The following DHX29 variants were observed in gnomAD, a reference collection of about 807,000 sequenced individuals.
DHX29 encodes the protein ATP-dependent RNA helicase DHX29.
DHX29 carries 79 observed loss-of-function variants against 167.9 expected under a neutral mutation model. The ratio of observed to expected loss-of-function variants is 0.47; its 90% confidence interval spans 0.39 to 0.57. The LOEUF is 0.57. Among genes scored for constraint, DHX29 ranks in the 20% least tolerant of loss-of-function variants. The pLI, the probability that DHX29 is intolerant of heterozygous loss-of-function variation, is 0.00. For missense variants in DHX29, 1,347 were observed against 1,593.4 expected (o/e 0.85, Z 2.63); for synonymous variants, 530 against 546.0 (o/e 0.97, Z 0.41).
At chr5:55,272,859 T>C (rs1024659780) in intron 17 of DHX29, among the ~76,000 whole-genome samples, 1 of 152,204 alleles carries the variant, frequency 6.6e-6, no homozygotes, top group Non-Finnish European at 1.5e-5. Flanking sequence ...ACTAGGTTGT[T>C]GTCCTGGCTC....
intron 26 of DHX29, among the ~76,000 whole-genome samples, chr5:55,257,732 C>T (rs945622944): frequency 1.2e-4 from 19 of 152,208 alleles, no homozygotes; most frequent in African/African-American, 4.6e-4. Flanking sequence ...CTTCTTCCTT[C>T]CTCCCAAGTC....
Position 55,281,785 on chromosome 5 carries a change from C to CTTT in DHX29, c.1966-273_1966-271dup, listed in dbSNP as rs200474683. Among the ~76,000 whole-genome samples the CTTT allele has an allele frequency of 2.0e-3, 279 of 139,134 alleles. 1 individual carries two copies. The highest frequency in any genetic ancestry group is 0.019 in the Middle Eastern group (5 of 262). The allele number at this position is 139,134 out of a possible 152,430, so 91.3% of individuals were successfully genotyped here. ...ATTTTGGCAAATTTGAACAGAAAAA[C>CTTT]TTTTTTTTTTTTTTTTTGAGACGGA... On this transcript the variant is annotated intron_variant, in intron 11 of 26. Coordinates refer to ENST00000251636, the MANE Select transcript of DHX29 (RefSeq NM_019030.4).
intron 1 of DHX29, among the ~76,000 whole-genome samples, chr5:55,304,413 G>A (rs1043711163): frequency 6.8e-6 from 1 of 148,060 alleles, no homozygotes; most frequent in Non-Finnish European, 1.5e-5. Flanking sequence ...CCGGGTTCAC[G>A]CCATTCTCCT....
rs771882728 is a variant in DHX29 at position 55,261,463 on chromosome 5, G to C, written c.3865C>G (p.Leu1289Val). The change falls in exon 25 of 27, where the codon CTA becomes GTA. Residue 1289 changes from leucine (L) to valine (V), a missense_variant. Leu to Val is a conservative substitution (Grantham distance 32). Around this residue, in one of 3 missense-constraint regions of DHX29, gnomAD observed 882 missense variants for 1,082.4 expected, o/e 0.81. Transcript: ENST00000251636. Reference sequence around the variant, plus strand: ...AGTAAAACTGGAAAAGGGGTTATTAGGGTAGTTTCTCTCAAATACACTCTG... The same window carrying C: ...AGTAAAACTGGAAAAGGGGTTATTACGGTAGTTTCTCTCAAATACACTCTG... ...YARVYLRETT[L>V]ITPFPVLLFG... 8 of 1,574,444 alleles carry C rather than the reference G, an allele frequency of 5.1e-6. No homozygotes were observed. Among genetic ancestry groups the C allele is most frequent in the Non-Finnish European group, 7.0e-6 (8 of 1,144,762 alleles).
chr5:55,275,243 C>T (rs965092539), intron 14 of DHX29, among the ~76,000 whole-genome samples: 16 of 152,116 alleles, frequency 1.1e-4, no homozygotes, highest in Admixed American at 1.0e-3. Flanking sequence ...TATAGCAAAA[C>T]CTTTTTATCT....
In DHX29 at chr5:55,307,627, C is replaced by T; in HGVS notation, c.-54G>A. 13 of 1,600,542 alleles carry T rather than the reference C, an allele frequency of 8.1e-6. No individual in the cohort carries two copies. The highest frequency in any genetic ancestry group is 1.0e-5 in the Non-Finnish European group (12 of 1,174,210). On this transcript the variant is annotated 5_prime_UTR_variant, in exon 1 of 27. Transcript: ENST00000251636. ...GGCCCAGGCCCCGACGGTACCACTG[C>T]ACAGCCGAGAGCTCTTCACATTCCC... is the stretch of plus-strand genomic sequence containing the variant.
chr5:55,295,957 G>A (rs112655093), intron 4 of DHX29, among the ~76,000 whole-genome samples: 13 of 152,226 alleles, frequency 8.5e-5, no homozygotes, highest in African/African-American at 3.1e-4. Context: ...TGAAAAGCCA[G>A]GAGACATAGC....
At chr5:55,300,114 G>A (rs1748524901) in intron 1 of DHX29, among the ~76,000 whole-genome samples, 1 of 152,228 alleles carries the variant, frequency 6.6e-6, no homozygotes, top group Non-Finnish European at 1.5e-5. Flanking sequence ...GCTCATGCCT[G>A]TAATCCCAGC....
At chr5:55,259,754 G>T in intron 26 of DHX29, 94 bp downstream of exon 26, 1 of 685,606 alleles carries the variant, frequency 1.5e-6, no homozygotes, top group Non-Finnish European at 2.5e-6. Context: ...ACCGTGCCTG[G>T]CCTCTTAGAA....
intron 3 of DHX29, 70 bp from the exon 4 acceptor site, chr5:55,296,419 T>C (rs997078410): frequency 3.4e-6 from 5 of 1,472,024 alleles, no homozygotes; most frequent in African/African-American, 1.4e-5. Flanking sequence ...ATTATCCCAT[T>C]CATTTTAAAC....
Position 55,285,773 on chromosome 5 carries a change from A to G in DHX29, c.1155T>C (p.Asp385=). 1 of 1,605,070 alleles carries G rather than the reference A, an allele frequency of 6.2e-7. No individual in the cohort carries two copies. The highest frequency in any genetic ancestry group is 8.5e-7 in the Non-Finnish European group (1 of 1,173,654). ...TGKSPKQFLI[D]WVRKNLPKSP... ...TCTTGGGAAGATTCTTCCTGACCCA[A>G]TCAATCAGAAATTGTTTGGGAGATT... is the stretch of plus-strand genomic sequence containing the variant. The change falls in exon 9 of 27, where the codon GAT becomes GAC. Residue 385 remains aspartate (D), a synonymous_variant. Coordinates refer to ENST00000251636, the MANE Select transcript of DHX29 (RefSeq NM_019030.4).
At chr5:55,279,459 T>G (rs886290551) in intron 12 of DHX29, 2 of 152,280 alleles carry the variant, frequency 1.3e-5, no homozygotes, top group Middle Eastern at 6.8e-3. Context: ...ATGGATGGCA[T>G]AGATCTGGAA....
At chr5:55,305,192 GAACT>G (rs368258533) in intron 1 of DHX29, among the ~76,000 whole-genome samples, 208 of 152,282 alleles carry the variant, frequency 1.4e-3, no homozygotes, top group Non-Finnish European at 2.1e-3. Context: ...CATAAGGCAA[GAACT>G]AACTATCAAA....
At chr5:55,277,929 A>G (rs1747206745) in intron 12 of DHX29, among the ~76,000 whole-genome samples, 1 of 143,334 alleles carries the variant, frequency 7.0e-6, no homozygotes, top group African/African-American at 2.6e-5. Context: ...AAAAAAAAAG[A>G]TGTAAGGTAT....
intron 14 of DHX29, among the ~76,000 whole-genome samples, chr5:55,275,844 C>T (rs944878938): frequency 4.6e-5 from 7 of 152,040 alleles, no homozygotes; most frequent in African/African-American, 1.7e-4. Context: ...CTGCCCTGCT[C>T]CTGCCAGGAC....
rs749436678 is a variant in DHX29 at position 55,289,244 on chromosome 5, C to G, written c.1066+26G>C. 17 of 1,514,282 alleles carry G rather than the reference C, an allele frequency of 1.1e-5. No homozygotes were observed. In the Admixed American group the frequency reaches 3.9e-4, roughly 35 times the overall value. The allele number at this position is 1,514,282 out of a possible 1,614,324, so 93.8% of individuals were successfully genotyped here. A position where few individuals can be genotyped will look rare whatever the true frequency, so the allele number is the denominator to read the frequency against. ...GACATTTTATTATTTACAAATTACA[C>G]CCTGACCATCTTCCCTTAATTTTAC... On this transcript the variant is annotated intron_variant, in intron 8 of 26. Coordinates refer to ENST00000251636, the MANE Select transcript of DHX29 (RefSeq NM_019030.4).
chr5:55,261,314 G>A (rs1322256089), intron 25 of DHX29, 54 bp downstream of exon 25: 3 of 919,166 alleles, frequency 3.3e-6, no homozygotes, highest in Non-Finnish European at 4.9e-6. Flanking sequence ...GTACCTCAAT[G>A]GTACTGGAAG....
intron 12 of DHX29, among the ~76,000 whole-genome samples, chr5:55,278,543 C>G (rs556498987): frequency 1.9e-4 from 29 of 152,162 alleles, no homozygotes; most frequent in Non-Finnish European, 4.1e-4. Context: ...GTGCTAGATG[C>G]TGGAGTTTAA....
chr5:55,259,028 T>C lies in DHX29; in HGVS notation c.4057+820A>G, dbSNP rs1397679869. Among the ~76,000 whole-genome samples the C allele has an allele frequency of 2.6e-5, 4 of 152,272 alleles. No individual in the cohort carries two copies. In the East Asian group the frequency reaches 5.8e-4, roughly 22 times the overall value. ...TATGTGTATATATACATATATTTCT[T>C]AGAGACAGAGTCTCTCTATGTTGTC... On this transcript the variant is annotated intron_variant, in intron 26 of 26. Coordinates refer to ENST00000251636, the MANE Select transcript of DHX29 (RefSeq NM_019030.4).
Sources: gnomAD v4.1 joint callset for allele counts (sites outside exome capture counted in the v4.1 genomes callset) on GRCh38, gnomAD v4.1.1 for gene constraint, gnomAD v4.1.1 regional missense constraint, MANE v1.5 for transcripts, NCBI Gene and HGNC (gene_info 2026-07-23, HGNC 2026-07-21) for gene names.